The following DPYD variants were observed in gnomAD, a reference collection of about 807,000 sequenced individuals.
The protein encoded by DPYD is dihydropyrimidine dehydrogenase.
Under a neutral mutation model 116.2 loss-of-function variants are expected in DPYD, and 109 were observed. That is an observed-to-expected ratio of 0.94 (90% CI 0.80 to 1.10). The LOEUF is 1.10. Ranked by LOEUF, DPYD falls within the 50% of genes least tolerant of loss-of-function variation. The pLI is 0.00. For missense variants in DPYD, 1,302 were observed against 1,254.5 expected (o/e 1.04, Z -0.57); for synonymous variants, 440 against 432.0 (o/e 1.02, Z -0.23).
chr1:97,229,288 T>C (rs1397452363), intron 19 of DPYD, among the ~76,000 whole-genome samples: 4 of 145,540 alleles, frequency 2.7e-5, no homozygotes, highest in Non-Finnish European at 6.0e-5. Flanking sequence ...TACTGACTAG[T>C]ACCCAAGCCC....
chr1:97,223,008 C>T (rs1340532939), intron 19 of DPYD, among the ~76,000 whole-genome samples: 2 of 151,984 alleles, frequency 1.3e-5, no homozygotes, highest in Non-Finnish European at 2.9e-5. Flanking sequence ...AAATTTTTAT[C>T]ACCTAAAGAC....
Position 97,673,103 on chromosome 1 carries a change from A to AT in DPYD, c.850+5991dup, listed in dbSNP as rs1394078473. On this transcript the variant is annotated intron_variant, in intron 8 of 22. Coordinates refer to ENST00000370192, the MANE Select transcript of DPYD (RefSeq NM_000110.4). Reference sequence around the variant, plus strand: ...TGAAGTATGGATATTTGCACTTGTTATTTTTTTTTTTACTTTCTTTATAAA... The same window carrying AT: ...TGAAGTATGGATATTTGCACTTGTTATTTTTTTTTTTTACTTTCTTTATAAA... 3.1e-3 allele frequency among the ~76,000 whole-genome samples: 455 copies of AT among 146,594 alleles called. 1 individual carries two copies. Among genetic ancestry groups the AT allele is most frequent in the African/African-American group, 6.0e-3 (240 of 40,182 alleles).
intron 14 of DPYD, among the ~76,000 whole-genome samples, chr1:97,407,306 T>C (rs1312548808): frequency 6.6e-6 from 1 of 152,220 alleles, no homozygotes; most frequent in Non-Finnish European, 1.5e-5. Context: ...AAACATTTTC[T>C]TTAAAGATTT....
chr1:97,451,397 G>A (rs907205718), intron 13 of DPYD, among the ~76,000 whole-genome samples: 74 of 152,200 alleles, frequency 4.9e-4, no homozygotes, highest in African/African-American at 1.8e-3. Context: ...TTAATTTCTG[G>A]TAATTTACAT....
chr1:97,300,296 A>G (rs891170077), intron 18 of DPYD, among the ~76,000 whole-genome samples: 1 of 152,106 alleles, frequency 6.6e-6, no homozygotes, highest in African/African-American at 2.4e-5. Context: ...TTCTATCTTT[A>G]TCTATCAGGT....
chr1:97,221,290 A>T (rs528175407), intron 19 of DPYD, among the ~76,000 whole-genome samples: 1 of 152,284 alleles, frequency 6.6e-6, no homozygotes, highest in Non-Finnish European at 1.5e-5. Context: ...GAGTACAGTA[A>T]CAGGGAGGGT....
chr1:97,637,562 C>A (rs2100809281), intron 8 of DPYD, among the ~76,000 whole-genome samples: 1 of 151,838 alleles, frequency 6.6e-6, no homozygotes, highest in Non-Finnish European at 1.5e-5. Flanking sequence ...AGGCAAAGGA[C>A]TAAAGAGCTT....
At chr1:97,876,537 T>C (rs1009001858) in intron 2 of DPYD, among the ~76,000 whole-genome samples, 1 of 151,900 alleles carries the variant, frequency 6.6e-6, no homozygotes, top group African/African-American at 2.4e-5. Flanking sequence ...CTGCCATCTC[T>C]CCCCACTCCA....
At chr1:97,601,171 A>C (rs1265879813) in intron 8 of DPYD, among the ~76,000 whole-genome samples, 1 of 152,062 alleles carries the variant, frequency 6.6e-6, no homozygotes, top group South Asian at 2.1e-4. Context: ...TGTGGCTTTC[A>C]AACTCCTTGA....
intron 3 of DPYD, among the ~76,000 whole-genome samples, chr1:97,826,103 C>CCAG (rs2101472194): frequency 6.6e-6 from 1 of 152,252 alleles, no homozygotes; most frequent in Non-Finnish European, 1.5e-5. Context: ...ATTAAATTCT[C>CCAG]ACTTAAATTA....
At chr1:97,668,531 C>A (rs1011129075) in intron 8 of DPYD, among the ~76,000 whole-genome samples, 15 of 151,910 alleles carry the variant, frequency 9.9e-5, no homozygotes, top group East Asian at 5.8e-4. Flanking sequence ...ATATAATAAC[C>A]TCTTTAATTT....
intron 19 of DPYD, among the ~76,000 whole-genome samples, chr1:97,202,923 G>C (rs1183831986): frequency 6.6e-6 from 1 of 152,160 alleles, no homozygotes; most frequent in Non-Finnish European, 1.5e-5. Context: ...TTACTGTTCT[G>C]TCTCTTCAAA....
intron 14 of DPYD, among the ~76,000 whole-genome samples, chr1:97,430,608 T>C (rs985002806): frequency 2.0e-5 from 3 of 151,130 alleles, no homozygotes; most frequent in Admixed American, 2.0e-4. Flanking sequence ...AAAAATGTCC[T>C]CTTTCACGTG....
chr1:97,450,054 CT>C lies in DPYD; in HGVS notation c.1905+4del. 1 of 1,613,838 alleles carries C rather than the reference CT, an allele frequency of 6.2e-7. No homozygotes were observed. ...CTCTTGTTTTAGATGTTAAATCACACTTACGTTGTCTGGAAAGTCAGCCTTT... is the reference window on the plus strand; with the variant it reads ...CTCTTGTTTTAGATGTTAAATCACACTACGTTGTCTGGAAAGTCAGCCTTT... On this transcript the variant is annotated splice_donor_region_variant and intron_variant, in intron 14 of 22. Coordinates refer to ENST00000370192, the MANE Select transcript of DPYD (RefSeq NM_000110.4).
chr1:97,500,089 G>T (rs1489131792), intron 13 of DPYD, among the ~76,000 whole-genome samples: 1 of 151,836 alleles, frequency 6.6e-6, no homozygotes, highest in Non-Finnish European at 1.5e-5. Context: ...AGCCATAGGT[G>T]ACTTATTGAA....
intron 14 of DPYD, 152 bp downstream of exon 14, chr1:97,449,907 C>T: frequency 9.9e-7 from 1 of 1,005,822 alleles, no homozygotes; most frequent in Non-Finnish European, 1.4e-6. Flanking sequence ...GCTTTTCTTT[C>T]TTTTTTATCT....
At chr1:97,825,004 TCA>T (rs1282071470) in intron 3 of DPYD, among the ~76,000 whole-genome samples, 1 of 152,306 alleles carries the variant, frequency 6.6e-6, no homozygotes, top group Non-Finnish European at 1.5e-5. Context: ...CTCAGCTATC[TCA>T]CAGTCACCTG....
At chr1:97,162,159 A>G (rs1655959487) in intron 20 of DPYD, among the ~76,000 whole-genome samples, 1 of 152,138 alleles carries the variant, frequency 6.6e-6, no homozygotes, top group Admixed American at 6.6e-5. Context: ...TGACTTCCAC[A>G]GTGGTTGAAC....
chr1:97,146,545 T>A (rs974887407), intron 20 of DPYD, among the ~76,000 whole-genome samples: 1 of 152,208 alleles, frequency 6.6e-6, no homozygotes, highest in Non-Finnish European at 1.5e-5. Context: ...GTCTGTTCTG[T>A]TTTCAGCCAA....
Sources: allele counts gnomAD v4.1 joint callset (sites outside exome capture counted in the v4.1 genomes callset), GRCh38; gene constraint gnomAD v4.1.1; transcripts MANE v1.5; gene names NCBI Gene and HGNC (gene_info 2026-07-23, HGNC 2026-07-21).